Variants in PRCP observed in about 807,000 individuals in gnomAD.
PRCP encodes prolylcarboxypeptidase.
A neutral mutation model predicts 54.2 loss-of-function variants in PRCP; 46 were observed. That is an observed-to-expected ratio of 0.85 (90% CI 0.67 to 1.09). PRCP has a LOEUF of 1.09. PRCP is among the 50% of genes least tolerant of loss of function. The probability of loss-of-function intolerance (pLI) is 0.00; values close to 1 mark genes in which losing one functional copy is unlikely to be tolerated. For synonymous variants in PRCP, 240 were observed against 212.2 expected, an observed-to-expected ratio of 1.13 and a Z score of -1.14; for missense variants, 613 against 596.8, an observed-to-expected ratio of 1.03 and a Z score of -0.28.
chr11:82,873,733 G>C (rs1859532870), intron 1 of PRCP, among the ~76,000 whole-genome samples: 1 of 152,188 alleles, frequency 6.6e-6, no homozygotes, highest in Non-Finnish European at 1.5e-5. Context: ...TTCTGTGAAT[G>C]ATACCATGAG....
chr11:82,885,237 AAT>A (rs1859838323), intron 1 of PRCP, among the ~76,000 whole-genome samples: 1 of 152,308 alleles, frequency 6.6e-6, no homozygotes, highest in African/African-American at 2.4e-5. Flanking sequence ...TGACATGTGT[AAT>A]ATATATTTAA....
intron 6 of PRCP, chr11:82,843,071 AGG>A (rs1474836398): frequency 6.6e-6 from 1 of 152,478 alleles, no homozygotes; most frequent in African/African-American, 2.4e-5. Flanking sequence ...GCACTTTGGG[AGG>A]CCCAGGCAGT....
chr11:82,839,262 T>C lies in PRCP; in HGVS notation c.1085A>G (p.Gln362Arg). Residue 362 changes from glutamine (Q) to arginine (R), a missense_variant and splice_region_variant, in exon 7 of 9, where the codon CAG (glutamine) becomes CGG (arginine). By Grantham distance (43) the Gln-to-Arg change is conservative. Coordinates refer to ENST00000313010, the MANE Select transcript of PRCP (RefSeq NM_005040.4). ...CTTGGGGAAATTATACATATTTACC[T>C]GATAGCTCCAACCCAGTGTTCCCAG... Reference protein sequence around the residue: ...SSLGTLGWSYQACTEVVMPFC... With the variant: ...SSLGTLGWSYRACTEVVMPFC... 6.2e-7 allele frequency: 1 copy of C among 1,611,206 alleles called. No homozygotes were observed. The highest frequency in any genetic ancestry group is 8.5e-7 in the Non-Finnish European group (1 of 1,179,304).
intron 1 of PRCP, among the ~76,000 whole-genome samples, chr11:82,894,586 T>C (rs1860076841): frequency 6.6e-6 from 1 of 152,182 alleles, no homozygotes; most frequent in Non-Finnish European, 1.5e-5. Flanking sequence ...TGCCCAAAAG[T>C]ATGATGTGAT....
chr11:82,849,256 C>G (rs369171070), intron 5 of PRCP, 38 bp from the exon 6 acceptor site: 44 of 1,605,030 alleles, frequency 2.7e-5, no homozygotes, highest in Middle Eastern at 1.7e-4. Flanking sequence ...CTAAAAAGTA[C>G]TGGTCAACAG....
intron 1 of PRCP, chr11:82,900,023 C>A (rs1292287086): frequency 1.6e-6 from 1 of 611,824 alleles, no homozygotes; most frequent in Non-Finnish European, 2.8e-6. Flanking sequence ...GAGTATGCAG[C>A]CAAAACTACT....
At chr11:82,876,113 C>T (rs540128694) in intron 1 of PRCP, among the ~76,000 whole-genome samples, 2 of 152,352 alleles carry the variant, frequency 1.3e-5, no homozygotes, top group African/African-American at 4.8e-5. Context: ...CCTATGACAG[C>T]TTCCAGAACA....
chr11:82,863,887 A>G (rs1001252734), intron 1 of PRCP, among the ~76,000 whole-genome samples: 2 of 152,216 alleles, frequency 1.3e-5, no homozygotes, highest in African/African-American at 4.8e-5. Flanking sequence ...CTGGCAAGAA[A>G]GCAGACTTCG....
At chr11:82,856,624 C>G (rs969870957) in intron 2 of PRCP, among the ~76,000 whole-genome samples, 2 of 151,994 alleles carry the variant, frequency 1.3e-5, no homozygotes, top group Admixed American at 6.6e-5. Context: ...TACACCAAAT[C>G]TGAGCAACAC....
chr11:82,842,622 T>C (rs1206960750), intron 6 of PRCP, among the ~76,000 whole-genome samples: 1 of 152,188 alleles, frequency 6.6e-6, no homozygotes, highest in Non-Finnish European at 1.5e-5. Flanking sequence ...TTAATTGTTT[T>C]CTTGGGATAA....
chr11:82,888,475 C>A (rs1591072913), intron 1 of PRCP, among the ~76,000 whole-genome samples: 1 of 152,294 alleles, frequency 6.6e-6, no homozygotes, highest in South Asian at 2.1e-4. Flanking sequence ...TTTAACACTC[C>A]AATAATAAAT....
intron 2 of PRCP, among the ~76,000 whole-genome samples, chr11:82,857,146 G>C (rs1030290752): frequency 6.6e-6 from 1 of 151,736 alleles, no homozygotes; most frequent in East Asian, 1.9e-4. Context: ...ACATAAAAGA[G>C]AAAGCAAAAC....
chr11:82,897,166 C>T (rs1860137108), intron 1 of PRCP, among the ~76,000 whole-genome samples: 1 of 152,192 alleles, frequency 6.6e-6, no homozygotes, highest in African/African-American at 2.4e-5. Flanking sequence ...ACTATCCTCT[C>T]TCTGGTCTCC....
rs761466145 is a variant in PRCP at position 82,900,190 on chromosome 11, C to A, written c.168+45G>T. On this transcript the variant is annotated intron_variant, in intron 1 of 8. Coordinates refer to ENST00000313010, the MANE Select transcript of PRCP (RefSeq NM_005040.4). ...TGCCCGGGCTCTGAGGGTCAGGGTT[C>A]CCGGCGGTTGGGCCTGGGACGGCGA... 5.0e-6 allele frequency: 8 copies of A among 1,605,028 alleles called. No individual in the cohort carries two copies. In the African/African-American group the frequency reaches 1.1e-4, roughly 21 times the overall value.
chr11:82,890,975 A>G (rs981492167), intron 1 of PRCP, among the ~76,000 whole-genome samples: 14 of 152,206 alleles, frequency 9.2e-5, no homozygotes, highest in Non-Finnish European at 1.6e-4. Context: ...AAAAGAAAAG[A>G]TCATCTTCAC....
chr11:82,900,586 C>A, upstream of PRCP: 1 of 796,412 alleles, frequency 1.3e-6, no homozygotes, highest in Non-Finnish European at 2.1e-6. Context: ...CCACTCCGCC[C>A]CCATCCCCGA....
At chr11:82,896,838 G>C (rs963864802) in intron 1 of PRCP, among the ~76,000 whole-genome samples, 1 of 152,012 alleles carries the variant, frequency 6.6e-6, no homozygotes, top group African/African-American at 2.4e-5. Flanking sequence ...AATTGCATGA[G>C]CCAATTCCTT....
chr11:82,888,518 T>C (rs1032067575), intron 1 of PRCP, among the ~76,000 whole-genome samples: 1 of 152,240 alleles, frequency 6.6e-6, no homozygotes, highest in African/African-American at 2.4e-5. Flanking sequence ...AGAAGTAGCC[T>C]GTAAGGAGAC....
At chr11:82,866,216 C>A (rs535915602) in intron 1 of PRCP, among the ~76,000 whole-genome samples, 1 of 152,298 alleles carries the variant, frequency 6.6e-6, no homozygotes, top group Admixed American at 6.5e-5. Flanking sequence ...GAAACGGTAT[C>A]CCCCAGTGAG....
Sources: allele counts gnomAD v4.1 joint callset (sites outside exome capture counted in the v4.1 genomes callset), GRCh38; gene constraint gnomAD v4.1.1; transcripts MANE v1.5; gene names NCBI Gene and HGNC (gene_info 2026-07-23, HGNC 2026-07-21).